The following BMPR1B variants were observed in gnomAD, a reference collection of about 807,000 sequenced individuals.
BMPR1B encodes the protein bone morphogenetic protein receptor type-1B.
Under a neutral mutation model 59.1 loss-of-function variants are expected in BMPR1B, and 12 were observed. The observed-to-expected ratio is 0.20, with a 90% CI of 0.13 to 0.33. The LOEUF (loss-of-function observed/expected upper bound fraction) is 0.33. BMPR1B is among the 10% of genes least tolerant of loss of function. BMPR1B has a pLI of 1.00. For synonymous variants in BMPR1B, 237 were observed against 207.3 expected (o/e 1.14, Z -1.23); for missense variants, 550 against 610.9 (o/e 0.90, Z 1.05).
At chr4:94,810,173 T>A (rs1037934540) in intron 1 of BMPR1B, among the ~76,000 whole-genome samples, 1 of 152,212 alleles carries the variant, frequency 6.6e-6, no homozygotes, top group Admixed American at 6.5e-5. Context: ...CCCTTAGCAT[T>A]CCACATATTG....
intron 6 of BMPR1B, 87 bp downstream of exon 6, chr4:95,115,874 C>T: frequency 1.7e-6 from 2 of 1,207,374 alleles, no homozygotes; most frequent in Non-Finnish European, 2.4e-6. Context: ...TCTCAATCTA[C>T]CTGTACCACT....
intron 1 of BMPR1B, among the ~76,000 whole-genome samples, chr4:94,828,000 A>G (rs1457615527): frequency 6.6e-6 from 1 of 152,212 alleles, no homozygotes; most frequent in African/African-American, 2.4e-5. Flanking sequence ...TCAGTTTCAC[A>G]CAAGGTGTTT....
intron 2 of BMPR1B, among the ~76,000 whole-genome samples, chr4:94,923,347 G>A (rs76468011): frequency 6.6e-6 from 1 of 152,136 alleles, no homozygotes. Context: ...CAGTTGGGAT[G>A]TGAATGCAAC....
intron 3 of BMPR1B, among the ~76,000 whole-genome samples, chr4:95,044,019 G>T (rs906922346): frequency 1.4e-4 from 21 of 152,236 alleles, no homozygotes; most frequent in African/African-American, 5.1e-4. Context: ...GAGTATGATT[G>T]TTATAAAAGA....
chr4:94,909,791 C>T (rs1240071521), intron 2 of BMPR1B, among the ~76,000 whole-genome samples: 1 of 152,058 alleles, frequency 6.6e-6, no homozygotes, highest in African/African-American at 2.4e-5. Context: ...CCAAACCACT[C>T]AGAAACCACT....
At position 95,151,874 on chromosome 4, in the gene BMPR1B, T is replaced by C. The variant is rs77618244; in HGVS notation, c.1253-769T>C. Among the ~76,000 whole-genome samples, 294 of 151,966 alleles carry C rather than the reference T, an allele frequency of 1.9e-3. 3 individuals are homozygous for C. Among genetic ancestry groups the C allele is most frequent in the African/African-American group, 6.9e-3 (286 of 41,442 alleles). On this transcript the variant is annotated intron_variant, in intron 11 of 12. Coordinates refer to ENST00000515059, the MANE Select transcript of BMPR1B (RefSeq NM_001203.3). Reference sequence around the variant, plus strand: ...TTATAAGGAGTTAATCTTAAGAAGGTGAAAAAGAAGATACTAGAAGCCTGC... The same window carrying C: ...TTATAAGGAGTTAATCTTAAGAAGGCGAAAAAGAAGATACTAGAAGCCTGC...
chr4:95,069,386 C>T (rs1467782708), intron 3 of BMPR1B, among the ~76,000 whole-genome samples: 1 of 152,226 alleles, frequency 6.6e-6, no homozygotes, highest in African/African-American at 2.4e-5. Flanking sequence ...TCTTGCTGGA[C>T]AAACTGGCAC....
chr4:94,957,733 G>A (rs541270023), intron 2 of BMPR1B, among the ~76,000 whole-genome samples: 11 of 152,206 alleles, frequency 7.2e-5, no homozygotes, highest in Non-Finnish European at 8.8e-5. Context: ...TGAGATCTAA[G>A]ATACATTTCG....
At chr4:94,865,066 A>G (rs1480637538) in intron 1 of BMPR1B, among the ~76,000 whole-genome samples, 1 of 150,404 alleles carries the variant, frequency 6.6e-6, no homozygotes, top group African/African-American at 2.4e-5. Context: ...CTGAAGTGCC[A>G]TGGTGTGATC....
intron 3 of BMPR1B, among the ~76,000 whole-genome samples, chr4:95,065,086 G>A (rs1727695090): frequency 6.6e-6 from 1 of 152,152 alleles, no homozygotes; most frequent in Non-Finnish European, 1.5e-5. Context: ...GTTCATAGCA[G>A]CGTTATAGGT....
At position 95,125,237 on chromosome 4, in the gene BMPR1B, T is replaced by A. The variant is rs374654757; in HGVS notation, c.585+116T>A. The A allele has an allele frequency of 2.9e-5, 38 of 1,326,958 alleles. No homozygotes were observed. The East Asian group carries it at 8.9e-4, about 31-fold the overall frequency. 82.2% of individuals were successfully genotyped at this position (1,326,958 alleles called of 1,614,324 possible). On this transcript the variant is annotated intron_variant, in intron 8 of 12. Transcript: ENST00000515059. Reference sequence around the variant, plus strand: ...TGGACAAGGAGAAAGCTCTATGCAGTCTGTTGGACATCCGATCTCAGCTGC... The same window carrying A: ...TGGACAAGGAGAAAGCTCTATGCAGACTGTTGGACATCCGATCTCAGCTGC...
intron 2 of BMPR1B, among the ~76,000 whole-genome samples, chr4:94,958,300 TC>T (rs1328888323): frequency 4.6e-5 from 7 of 152,176 alleles, no homozygotes; most frequent in African/African-American, 1.7e-4. Flanking sequence ...GTATATACTG[TC>T]TGGGCATATG....
At chr4:94,942,513 A>G (rs888525116) in intron 2 of BMPR1B, among the ~76,000 whole-genome samples, 3 of 152,236 alleles carry the variant, frequency 2.0e-5, no homozygotes, top group African/African-American at 7.2e-5. Flanking sequence ...TTAATCAGCC[A>G]AATAAACAAG....
At chr4:94,785,854 C>A (rs922714984) in intron 1 of BMPR1B, among the ~76,000 whole-genome samples, 12 of 152,118 alleles carry the variant, frequency 7.9e-5, no homozygotes, top group Admixed American at 2.0e-4. Flanking sequence ...ATGTGCTGAA[C>A]AATATTGAAT....
chr4:94,858,228 G>A (rs960782116), intron 1 of BMPR1B, among the ~76,000 whole-genome samples: 2 of 152,124 alleles, frequency 1.3e-5, no homozygotes, highest in African/African-American at 4.8e-5. Flanking sequence ...GGGATTACAG[G>A]CGTGAGCCAC....
intron 2 of BMPR1B, among the ~76,000 whole-genome samples, chr4:94,994,642 TAAGC>T (rs1421230608): frequency 1.3e-5 from 2 of 152,222 alleles, no homozygotes; most frequent in Non-Finnish European, 2.9e-5. Flanking sequence ...ATTTTTGCAT[TAAGC>T]AAGGAGAGGT....
chr4:94,875,643 C>T (rs949475643), intron 1 of BMPR1B, among the ~76,000 whole-genome samples, 188 bp from the exon 2 acceptor site: 10 of 152,120 alleles, frequency 6.6e-5, no homozygotes, highest in East Asian at 1.9e-4. Context: ...AAGATCGCGC[C>T]GCTGCACTCC....
chr4:94,929,404 C>T (rs1270999149), intron 2 of BMPR1B, among the ~76,000 whole-genome samples: 1 of 152,114 alleles, frequency 6.6e-6, no homozygotes, highest in Non-Finnish European at 1.5e-5. Context: ...CTGTTATCAT[C>T]TCTCTGCTAA....
chr4:95,026,903 G>A (rs1423650266), intron 3 of BMPR1B, among the ~76,000 whole-genome samples: 1 of 151,692 alleles, frequency 6.6e-6, no homozygotes, highest in African/African-American at 2.4e-5. Flanking sequence ...TGGGACTAAA[G>A]GCATGCCACC....
Sources: allele counts gnomAD v4.1 joint callset (sites outside exome capture counted in the v4.1 genomes callset), GRCh38; gene constraint gnomAD v4.1.1; transcripts MANE v1.5; gene names NCBI Gene and HGNC (gene_info 2026-07-23, HGNC 2026-07-21).